The following KCNH7 variants were observed in gnomAD, a reference collection of about 807,000 sequenced individuals.
KCNH7 encodes the protein voltage-gated inwardly rectifying potassium channel KCNH7.
In KCNH7, 49 loss-of-function variants were observed where a neutral mutation model predicts 120.8. The ratio of observed to expected loss-of-function variants is 0.41; its 90% CI spans 0.32 to 0.51. KCNH7 has a LOEUF of 0.51. Among genes scored for constraint, KCNH7 ranks in the 20% least tolerant of loss-of-function variants. The pLI is 0.38. For synonymous variants in KCNH7, 547 were observed against 516.1 expected (o/e 1.06, Z -0.81); for missense variants, 1,097 against 1,446.6 (o/e 0.76, Z 3.92).
intron 4 of KCNH7, among the ~76,000 whole-genome samples, chr2:162,516,305 C>A (rs766290822): frequency 6.6e-6 from 1 of 151,624 alleles, no homozygotes; most frequent in Non-Finnish European, 1.5e-5. Context: ...TTTGCACACT[C>A]GAGTGTGAAA....
chr2:162,519,700 T>G (rs1464786045), intron 3 of KCNH7, among the ~76,000 whole-genome samples: 1 of 151,850 alleles, frequency 6.6e-6, no homozygotes, highest in African/African-American at 2.4e-5. Flanking sequence ...ATTGTCATTT[T>G]TATTGTTCCC....
At chr2:162,386,142 G>A (rs1245826399) in intron 12 of KCNH7, among the ~76,000 whole-genome samples, 3 of 151,904 alleles carry the variant, frequency 2.0e-5, no homozygotes, top group East Asian at 1.9e-4. Context: ...GGACCTTTCC[G>A]ATCTCCAACA....
At chr2:162,624,487 G>T (rs1440051870) in intron 2 of KCNH7, among the ~76,000 whole-genome samples, 1 of 152,082 alleles carries the variant, frequency 6.6e-6, no homozygotes, top group Non-Finnish European at 1.5e-5. Context: ...TCTGAAAAAT[G>T]GCAAACAATA....
intron 5 of KCNH7, among the ~76,000 whole-genome samples, chr2:162,506,124 C>T (rs888276016): frequency 2.6e-5 from 4 of 151,828 alleles, no homozygotes; most frequent in Admixed American, 6.6e-5. Context: ...TTATCCATGA[C>T]GATGACCAAG....
Position 162,435,544 on chromosome 2 carries a change from G to A in KCNH7, c.1608C>T (p.Arg536=), listed in dbSNP as rs766180381. The A allele has an allele frequency of 5.6e-6, 9 of 1,613,108 alleles. No individual in the cohort carries two copies. The highest frequency in any genetic ancestry group is 1.1e-5 in the South Asian group (1 of 91,048). ...LKTARLLRLV[R]VARKLDRYSE... ...AATATCGATCCAGTTTCCTGGCCAC[G>A]CGCACAAGACGGAGGAGTCGGGCAG... The change falls in exon 8 of 16, where the codon CGC becomes CGT. Residue 536 remains arginine (R), a synonymous_variant. Transcript: ENST00000332142.
intron 8 of KCNH7, among the ~76,000 whole-genome samples, chr2:162,423,914 T>A (rs1687780677): frequency 6.6e-5 from 10 of 152,156 alleles, no homozygotes; most frequent in Admixed American, 6.5e-4. Context: ...GGCAAAAGCA[T>A]CTTTTAGGGA....
chr2:162,556,311 CTAT>C (rs1189560250), intron 2 of KCNH7, among the ~76,000 whole-genome samples: 1 of 152,034 alleles, frequency 6.6e-6, no homozygotes, highest in African/African-American at 2.4e-5. Context: ...ATCTTATAAA[CTAT>C]TATTATTATC....
intron 2 of KCNH7, among the ~76,000 whole-genome samples, chr2:162,734,861 G>A (rs928586688): frequency 6.6e-6 from 1 of 152,132 alleles, no homozygotes; most frequent in Non-Finnish European, 1.5e-5. Flanking sequence ...AATAGGGACT[G>A]GAGAGAGTGG....
chr2:162,373,702 A>C, intron 14 of KCNH7, 40 bp from the exon 15 acceptor site: 1 of 1,343,070 alleles, frequency 7.4e-7, no homozygotes, highest in Non-Finnish European at 9.7e-7. Flanking sequence ...AGTCTAAAAT[A>C]GTCCAGAATT....
At chr2:162,697,099 A>T (rs772400749) in intron 2 of KCNH7, among the ~76,000 whole-genome samples, 1 of 152,186 alleles carries the variant, frequency 6.6e-6, no homozygotes, top group Non-Finnish European at 1.5e-5. Flanking sequence ...ACCACCAATA[A>T]ATGTATAGGT....
intron 2 of KCNH7, among the ~76,000 whole-genome samples, chr2:162,716,678 G>A (rs1687134753): frequency 6.6e-6 from 1 of 151,996 alleles, no homozygotes; most frequent in African/African-American, 2.4e-5. Context: ...AAAGCTCTTT[G>A]GCATTCTTAT....
At position 162,591,846 on chromosome 2, in the gene KCNH7, C is replaced by T. The variant is rs151268895; in HGVS notation, c.308-54766G>A. Among the ~76,000 whole-genome samples the T allele has an allele frequency of 3.6e-4, 54 of 151,926 alleles. No individual in the cohort carries two copies. In the East Asian group the frequency reaches 5.4e-3, roughly 15 times the overall value. ...TTTTTCTACTCAAGAGTCAATACACCGGTTCTTCCTGTTAGCACTTCCTTT... is the reference window on the plus strand; with the variant it reads ...TTTTTCTACTCAAGAGTCAATACACTGGTTCTTCCTGTTAGCACTTCCTTT... On this transcript the variant is annotated intron_variant, in intron 2 of 15. Coordinates refer to ENST00000332142, the MANE Select transcript of KCNH7 (RefSeq NM_033272.4).
chr2:162,752,908 GAAAA>G (rs1688616161), intron 2 of KCNH7, among the ~76,000 whole-genome samples: 1 of 35,966 alleles, frequency 2.8e-5, no homozygotes, highest in Admixed American at 3.2e-4. Flanking sequence ...CTCAGAAAAA[GAAAA>G]GAAAAGAAAA....
chr2:162,543,033 C>T (rs1692365198), intron 2 of KCNH7, among the ~76,000 whole-genome samples: 2 of 152,080 alleles, frequency 1.3e-5, no homozygotes, highest in Non-Finnish European at 2.9e-5. Context: ...GATTGGGTCC[C>T]ACTTGCATGT....
At chr2:162,418,986 C>G (rs899720595) in intron 9 of KCNH7, among the ~76,000 whole-genome samples, 1 of 151,914 alleles carries the variant, frequency 6.6e-6, no homozygotes, top group Non-Finnish European at 1.5e-5. Context: ...TCCAAAAGCT[C>G]TCCCTGTCTT....
At chr2:162,653,017 C>T (rs1190763624) in intron 2 of KCNH7, among the ~76,000 whole-genome samples, 1 of 152,110 alleles carries the variant, frequency 6.6e-6, no homozygotes, top group Non-Finnish European at 1.5e-5. Flanking sequence ...CTCATCTAAT[C>T]CTCATGGAAA....
chr2:162,542,301 C>A (rs1692335630), intron 2 of KCNH7, among the ~76,000 whole-genome samples: 1 of 149,806 alleles, frequency 6.7e-6, no homozygotes, highest in Non-Finnish European at 1.5e-5. Flanking sequence ...GCACAATGTG[C>A]AGGTTAGTTA....
At chr2:162,508,023 A>T (rs74378798) in intron 5 of KCNH7, among the ~76,000 whole-genome samples, 5,658 of 151,722 alleles carry the variant, frequency 0.037, 413 homozygotes, top group Admixed American at 0.18. Context: ...GAACACTAAC[A>T]TATTGAAATA....
chr2:162,580,051 G>A (rs145969360), intron 2 of KCNH7, among the ~76,000 whole-genome samples: 69 of 152,086 alleles, frequency 4.5e-4, no homozygotes, highest in Non-Finnish European at 7.5e-4. Flanking sequence ...TATAGATCAG[G>A]TCACATGTAC....
Sources: allele counts gnomAD v4.1 joint callset (sites outside exome capture counted in the v4.1 genomes callset), GRCh38; gene constraint gnomAD v4.1.1; transcripts MANE v1.5; gene names NCBI Gene and HGNC (gene_info 2026-07-23, HGNC 2026-07-21).